PEX7: variants seen among roughly 807,000 people sequenced by gnomAD.
PEX7 encodes peroxisomal biogenesis factor 7, also known as PTS2 receptor.
Under a neutral mutation model 47.5 loss-of-function variants are expected in PEX7, and 34 were observed. The observed-to-expected ratio is 0.72, with a 90% CI of 0.54 to 0.95. PEX7 has a LOEUF of 0.95. Among genes scored for constraint, PEX7 ranks in the 40% least tolerant of loss-of-function variants. The pLI is 0.00. For missense variants in PEX7, 394 were observed against 400.3 expected (o/e 0.98, Z 0.13); for synonymous variants, 141 against 148.8 (o/e 0.95, Z 0.38).
chr6:136,837,093 G>T (rs1236023777), intron 3 of PEX7, among the ~76,000 whole-genome samples: 1 of 152,082 alleles, frequency 6.6e-6, no homozygotes, highest in African/African-American at 2.4e-5. Flanking sequence ...TTTTAGCCGC[G>T]CTTACGCCTG....
At chr6:136,826,247 G>A in intron 2 of PEX7, 72 bp from the exon 3 acceptor site, 1 of 1,505,832 alleles carries the variant, frequency 6.6e-7, no homozygotes, top group Non-Finnish European at 9.2e-7. Context: ...AACCATAATT[G>A]TTATTTTTTT....
chr6:136,846,669 G>A (rs1774609322), intron 5 of PEX7, among the ~76,000 whole-genome samples: 1 of 152,184 alleles, frequency 6.6e-6, no homozygotes, highest in South Asian at 2.1e-4. Flanking sequence ...CAAAGGACAT[G>A]AACTCATCCT....
chr6:136,864,861 A>G (rs1027070052), intron 5 of PEX7, among the ~76,000 whole-genome samples: 4 of 152,202 alleles, frequency 2.6e-5, no homozygotes, highest in African/African-American at 9.6e-5. Context: ...TACGTATCCT[A>G]TGCAGGGTAT....
At chr6:136,912,579 C>T (rs1775950391) in intron 9 of PEX7, among the ~76,000 whole-genome samples, 1 of 152,120 alleles carries the variant, frequency 6.6e-6, no homozygotes, top group African/African-American at 2.4e-5. Flanking sequence ...CTTTGATCTA[C>T]TTGTCTTTAT....
At chr6:136,855,636 G>A (rs752885369) in intron 5 of PEX7, 51 of 256,374 alleles carry the variant, frequency 2.0e-4, no homozygotes, top group Middle Eastern at 1.5e-3. Flanking sequence ...CACCGTGCCC[G>A]GCCTATTTAA....
chr6:136,904,869 A>T (rs1310046806), intron 9 of PEX7, among the ~76,000 whole-genome samples: 2 of 152,090 alleles, frequency 1.3e-5, no homozygotes, highest in African/African-American at 4.8e-5. Flanking sequence ...TTCATTCCTG[A>T]ATCACTCACT....
At chr6:136,899,080 C>CTTTTTTTTT (rs71547049) in intron 9 of PEX7, among the ~76,000 whole-genome samples, 17 of 111,980 alleles carry the variant, frequency 1.5e-4, no homozygotes, top group East Asian at 5.3e-4. Flanking sequence ...TTTTTCTTTT[C>CTTTTTTTTT]TTTTTTTTTT....
At chr6:136,823,770 A>G (rs1317422232) in intron 1 of PEX7, among the ~76,000 whole-genome samples, 2 of 152,006 alleles carry the variant, frequency 1.3e-5, no homozygotes, top group Non-Finnish European at 2.9e-5. Flanking sequence ...CATGCCTGTA[A>G]TCCCAGCTAC....
intron 3 of PEX7, among the ~76,000 whole-genome samples, chr6:136,842,472 C>A (rs1229586357): frequency 2.0e-5 from 3 of 152,202 alleles, no homozygotes; most frequent in Admixed American, 6.5e-5. Flanking sequence ...AGGCTGGATT[C>A]TCTTGAGCCG....
chr6:136,847,348 A>G (rs1303726299), intron 5 of PEX7, among the ~76,000 whole-genome samples: 4 of 151,526 alleles, frequency 2.6e-5, no homozygotes, highest in Non-Finnish European at 4.4e-5. Context: ...CTTTAGTTTA[A>G]TTAGATCCCA....
At chr6:136,880,233 T>G (rs1053251141) in intron 8 of PEX7, among the ~76,000 whole-genome samples, 6 of 152,142 alleles carry the variant, frequency 3.9e-5, no homozygotes, top group Non-Finnish European at 7.4e-5. Flanking sequence ...TTTTGTCTCT[T>G]TATATCTGTG....
intron 9 of PEX7, 89 bp from the exon 10 acceptor site, chr6:136,913,369 G>A (rs980880766): frequency 2.7e-5 from 23 of 861,290 alleles, no homozygotes; most frequent in Middle Eastern, 2.2e-4. Context: ...GATGATTTAC[G>A]ACACTCTAAA....
At chr6:136,881,050 C>T (rs1039518106) in intron 8 of PEX7, among the ~76,000 whole-genome samples, 1 of 152,178 alleles carries the variant, frequency 6.6e-6, no homozygotes, top group Admixed American at 6.5e-5. Flanking sequence ...AGCTAGATCA[C>T]TGGCTGGAGG....
chr6:136,856,541 T>A (rs1166680127), intron 5 of PEX7, among the ~76,000 whole-genome samples: 1 of 152,022 alleles, frequency 6.6e-6, no homozygotes, highest in African/African-American at 2.4e-5. Context: ...AGTGAAAGAT[T>A]CCTTCTCAGA....
chr6:136,902,122 C>T (rs1167673064), intron 9 of PEX7, among the ~76,000 whole-genome samples: 1 of 152,168 alleles, frequency 6.6e-6, no homozygotes, highest in Non-Finnish European at 1.5e-5. Context: ...CCTTTAGTCT[C>T]ATAATGTGTC....
chr6:136,847,245 C>A (rs1409772840), intron 5 of PEX7, among the ~76,000 whole-genome samples: 1 of 152,068 alleles, frequency 6.6e-6, no homozygotes, highest in African/African-American at 2.4e-5. Flanking sequence ...TGGATATTAG[C>A]CTTTTGTCAG....
chr6:136,870,154 G>A, intron 7 of PEX7, 151 bp downstream of exon 7: 4 of 512,890 alleles, frequency 7.8e-6, no homozygotes, highest in Non-Finnish European at 9.9e-6. Flanking sequence ...AGTAGTGAAA[G>A]CTAAAATTAG....
At position 136,866,670 on chromosome 6, in the gene PEX7, A is replaced by C. The variant is rs1392688180; in HGVS notation, c.570A>C (p.Val190=). The C allele has an allele frequency of 6.2e-7, 1 of 1,613,970 alleles. No individual in the cohort carries two copies. The highest frequency in any genetic ancestry group is 1.3e-5 in the African/African-American group (1 of 74,928). Residue 190 remains valine (V), a synonymous_variant, in exon 6 of 10, where the codon GTA becomes GTC. Coordinates refer to ENST00000318471, the MANE Select transcript of PEX7 (RefSeq NM_000288.4). ...LRIWDVKAAG[V]RIVIPAHQAE... The stretch of plus-strand genomic sequence containing the variant: ...TATGGGATGTGAAGGCAGCAGGAGT[A>C]AGAATCGTGATTCCTGCACATCAGG...
intron 3 of PEX7, among the ~76,000 whole-genome samples, chr6:136,836,279 T>G (rs987662554): frequency 1.3e-5 from 2 of 151,862 alleles, no homozygotes; most frequent in Non-Finnish European, 2.9e-5. Flanking sequence ...TGTTATATAT[T>G]ATAAATATAT....
Sources: gnomAD v4.1 joint callset for allele counts (sites outside exome capture counted in the v4.1 genomes callset) on GRCh38, gnomAD v4.1.1 for gene constraint, MANE v1.5 for transcripts, NCBI Gene and HGNC (gene_info 2026-07-23, HGNC 2026-07-21) for gene names.